RANBP2: variants seen among roughly 807,000 people sequenced by gnomAD.
RANBP2 encodes E3 SUMO-protein ligase RanBP2.
In RANBP2, 57 loss-of-function variants were observed where a neutral mutation model predicts 303.6. That is an observed-to-expected ratio of 0.19 (90% CI 0.15 to 0.23). The LOEUF (loss-of-function observed/expected upper bound fraction) is 0.23. Ranked by LOEUF, RANBP2 falls within the 10% of genes least tolerant of loss-of-function variation. The pLI is 1.00. For missense variants in RANBP2, 3,138 were observed against 3,780.8 expected (o/e 0.83, Z 4.46); for synonymous variants, 1,167 against 1,301.5 (o/e 0.90, Z 2.23).
At chr2:108,950,988 C>T in the RANBP2 span, among the ~76,000 whole-genome samples, 1 of 152,186 alleles carries the variant, frequency 6.6e-6, no homozygotes, top group East Asian at 1.9e-4. Context: ...CTTTGTCTGC[C>T]ATCCATTGTC....
chr2:109,072,014 T>C, the RANBP2 span, among the ~76,000 whole-genome samples: 2 of 152,200 alleles, frequency 1.3e-5, no homozygotes, highest in Admixed American at 6.5e-5. Context: ...TCACAGGCTA[T>C]AGAAGTAAAC....
chr2:109,565,676 C>A, the RANBP2 span: 1 of 1,161,790 alleles, frequency 8.6e-7, no homozygotes, highest in Non-Finnish European at 1.3e-6. Context: ...CACATCCAAA[C>A]TAAGCATCAC....
chr2:109,384,306 C>G, the RANBP2 span, among the ~76,000 whole-genome samples: 1 of 152,212 alleles, frequency 6.6e-6, no homozygotes, highest in Admixed American at 6.5e-5. Flanking sequence ...GGGGATTCTA[C>G]TCTCCGTGGA....
At chr2:109,380,029 A>G in the RANBP2 span, among the ~76,000 whole-genome samples, 170 of 152,304 alleles carry the variant, frequency 1.1e-3, 1 homozygote, top group Middle Eastern at 3.4e-3. Context: ...ATGAGTGTAA[A>G]GAAATGAGAC....
At chr2:108,820,551 T>C in the RANBP2 span, among the ~76,000 whole-genome samples, 1 of 152,082 alleles carries the variant, frequency 6.6e-6, no homozygotes, top group East Asian at 1.9e-4. Context: ...TATAATCAAA[T>C]TGTCAAAAGT....
the RANBP2 span, among the ~76,000 whole-genome samples, chr2:109,235,702 G>T: frequency 6.6e-6 from 1 of 152,238 alleles, no homozygotes; most frequent in African/African-American, 2.4e-5. Flanking sequence ...AAGATTGAAG[G>T]TGTGCAGTCG....
At chr2:109,037,980 C>T in the RANBP2 span, among the ~76,000 whole-genome samples, 6 of 152,148 alleles carry the variant, frequency 3.9e-5, no homozygotes, top group Admixed American at 3.9e-4. Context: ...AGGCACAAGT[C>T]CTGGAATAGC....
At chr2:108,807,339 A>C in the RANBP2 span, among the ~76,000 whole-genome samples, 3 of 152,196 alleles carry the variant, frequency 2.0e-5, no homozygotes, top group African/African-American at 7.2e-5. Context: ...TAAAAAATAC[A>C]TCAATTGAAT....
At chr2:109,616,264 T>C in the RANBP2 span, 1 of 797,628 alleles carries the variant, frequency 1.3e-6, no homozygotes, top group African/African-American at 1.8e-5. Flanking sequence ...CATCATACCT[T>C]GACCTGTACC....
At chr2:108,985,295 T>G in the RANBP2 span, among the ~76,000 whole-genome samples, 1 of 152,196 alleles carries the variant, frequency 6.6e-6, no homozygotes, top group African/African-American at 2.4e-5. Context: ...GTAACGTGAC[T>G]GTGGTTGTTA....
At chr2:109,037,323 CAAA>C in the RANBP2 span, among the ~76,000 whole-genome samples, 664 of 54,318 alleles carry the variant, frequency 0.012, 3 homozygotes, top group African/African-American at 0.039. Flanking sequence ...GACCATGTCT[CAAA>C]AAAAAAAAAA....
the RANBP2 span, among the ~76,000 whole-genome samples, chr2:109,307,644 A>C: frequency 1.4e-5 from 2 of 138,304 alleles, no homozygotes; most frequent in East Asian, 4.2e-4. Flanking sequence ...TCATTGTTCA[A>C]TTCCCACCTA....
chr2:108,965,157 C>A, the RANBP2 span, among the ~76,000 whole-genome samples: 1 of 151,970 alleles, frequency 6.6e-6, no homozygotes, highest in Non-Finnish European at 1.5e-5. Flanking sequence ...TTTTGAGTGT[C>A]CAAAGTGTCA....
the RANBP2 span, among the ~76,000 whole-genome samples, chr2:109,058,767 C>T: frequency 1.7e-4 from 26 of 152,112 alleles, no homozygotes; most frequent in African/African-American, 4.6e-4. Flanking sequence ...TGAGAGGAGA[C>T]GGGCAGAGAG....
chr2:108,993,989 A>G, the RANBP2 span, among the ~76,000 whole-genome samples: 1 of 152,148 alleles, frequency 6.6e-6, no homozygotes, highest in Admixed American at 6.5e-5. Context: ...CACTAATCCC[A>G]TTCATGAGGC....
At chr2:109,481,894 C>T in the RANBP2 span, among the ~76,000 whole-genome samples, 4 of 152,156 alleles carry the variant, frequency 2.6e-5, no homozygotes, top group African/African-American at 4.8e-5. Flanking sequence ...TTTATCACCA[C>T]GGAATCACTG....
the RANBP2 span, among the ~76,000 whole-genome samples, chr2:109,039,645 G>A: frequency 9.9e-5 from 15 of 152,086 alleles, no homozygotes; most frequent in East Asian, 3.8e-4. Flanking sequence ...CACTGTGCCC[G>A]GCCTTCAGAT....
At chr2:109,580,482 C>A in the RANBP2 span, among the ~76,000 whole-genome samples, 18 of 151,506 alleles carry the variant, frequency 1.2e-4, no homozygotes, top group Non-Finnish European at 2.1e-4. Context: ...AACAAAAAAA[C>A]CACAACAAAG....
chr2:108,735,394 A>G lies in RANBP2; in HGVS notation c.406-138A>G, dbSNP rs554721199. The G allele has an allele frequency of 7.2e-6, 11 of 1,531,202 alleles. No individual in the cohort carries two copies. In the African/African-American group the frequency reaches 1.5e-4, roughly 21 times the overall value. 94.9% of individuals were successfully genotyped at this position (1,531,202 alleles called of 1,614,324 possible). A position where few individuals can be genotyped will look rare whatever the true frequency, so the allele number is the denominator to read the frequency against. On this transcript the variant is annotated intron_variant, in intron 4 of 28. Transcript: ENST00000283195. Reference sequence around the variant, plus strand: ...TTGTAAGCAACTCTCAGAAGGGATGAATAAGGTATATAGGATGGTGTTTTT... The same window carrying G: ...TTGTAAGCAACTCTCAGAAGGGATGGATAAGGTATATAGGATGGTGTTTTT...
Sources: allele counts gnomAD v4.1 joint callset (sites outside exome capture counted in the v4.1 genomes callset), GRCh38; gene constraint gnomAD v4.1.1; transcripts MANE v1.5; gene names NCBI Gene and HGNC (gene_info 2026-07-23, HGNC 2026-07-21).